Variants in CD180 observed in about 807,000 individuals in gnomAD.
The protein encoded by CD180 is CD180 antigen.
A neutral mutation model predicts 10.7 loss-of-function variants in CD180; 11 were observed. The observed-to-expected ratio is 1.03, with a 90% CI of 0.65 to 1.70. The LOEUF (loss-of-function observed/expected upper bound fraction) is 1.70, where lower values mean the gene tolerates loss of function less well. Among genes scored for constraint, CD180 ranks in the 40% most tolerant of loss-of-function variants. The pLI, the probability that CD180 is intolerant of heterozygous loss-of-function variation, is 0.00. For missense variants in CD180, 729 were observed against 775.2 expected (o/e 0.94, Z 0.71); for synonymous variants, 286 against 294.6 (o/e 0.97, Z 0.30).
At position 67,184,256 on chromosome 5, in the gene CD180, A is replaced by C. The variant is rs1742133624; in HGVS notation, c.587T>G (p.Leu196Arg). ...HYISREDMRS[L>R]EQAINLSLNF... ...CAGGCTTAGGTTGATGGCCTGCTCCAGAGACCTCATGTCTTCTCTAGAGAT... is the reference window on the plus strand; with the variant it reads ...CAGGCTTAGGTTGATGGCCTGCTCCCGAGACCTCATGTCTTCTCTAGAGAT... The change falls in exon 3 of 3, where the codon CTG becomes CGG. Residue 196 changes from leucine to arginine, a missense_variant. Physicochemically the swap from Leu to Arg is moderately radical, Grantham distance 102. Transcript: ENST00000256447. The C allele has an allele frequency of 6.2e-7, 1 of 1,614,022 alleles. No individual in the cohort carries two copies. The highest frequency in any genetic ancestry group is 8.5e-7 in the Non-Finnish European group (1 of 1,179,996).
intron 1 of CD180, among the ~76,000 whole-genome samples, chr5:67,193,341 C>T (rs1282437022): frequency 1.3e-5 from 2 of 152,148 alleles, no homozygotes; most frequent in Non-Finnish European, 2.9e-5. Context: ...CCTTGAAAAA[C>T]GGCCAAACCC....
chr5:67,191,429 T>G (rs1195936490), intron 1 of CD180, among the ~76,000 whole-genome samples: 2 of 152,186 alleles, frequency 1.3e-5, no homozygotes, highest in Non-Finnish European at 2.9e-5. Context: ...GAAGCCCTTG[T>G]GTCTATGAAC....
chr5:67,187,497 G>A (rs543344419), intron 1 of CD180, among the ~76,000 whole-genome samples: 1 of 152,310 alleles, frequency 6.6e-6, no homozygotes, highest in Non-Finnish European at 1.5e-5. Context: ...CCCCAGGGTA[G>A]TCATGTATTC....
At chr5:67,196,042 T>C (rs987240365) in intron 1 of CD180, among the ~76,000 whole-genome samples, 1 of 152,328 alleles carries the variant, frequency 6.6e-6, no homozygotes, top group African/African-American at 2.4e-5. Context: ...CAGATTTTCC[T>C]CCTATGGGTT....
Position 67,184,363 on chromosome 5 carries a change from A to G in CD180, c.480T>C (p.His160=), listed in dbSNP as rs577368687. ...CTTTGGGGAACTTAATGGAGGAAAT[A>G]TGGTTGCTTCCAAGATACAAGCTTT... The part of the protein sequence containing the change: ...NLESLYLGSN[H]ISSIKFPKDF... Residue 160 remains histidine, a synonymous_variant, in exon 3 of 3, where the codon CAT becomes CAC. Coordinates refer to ENST00000256447, the MANE Select transcript of CD180 (RefSeq NM_005582.3). 2 of 1,614,100 alleles carry G rather than the reference A, an allele frequency of 1.2e-6. No homozygotes were observed. Among genetic ancestry groups the G allele is most frequent in the Middle Eastern group, 1.6e-4 (1 of 6,062 alleles).
chr5:67,188,924 A>T (rs557438187), intron 1 of CD180, among the ~76,000 whole-genome samples: 1 of 152,216 alleles, frequency 6.6e-6, no homozygotes, highest in East Asian at 1.9e-4. Flanking sequence ...CACACTTCGC[A>T]TTTAAAACTT....
chr5:67,183,059 T>C lies in CD180; in HGVS notation c.1784A>G (p.Asn595Ser). 6.2e-7 allele frequency: 1 copy of C among 1,613,362 alleles called. No individual in the cohort carries two copies. The highest frequency in any genetic ancestry group is 8.5e-7 in the Non-Finnish European group (1 of 1,179,660). Reference sequence around the variant, plus strand: ...CTCCGAGCCTTCAAGTTTGTGCAGGTTTTCTTTGTACCATGTTAAGAAATG... The same window carrying C: ...CTCCGAGCCTTCAAGTTTGTGCAGGCTTTCTTTGTACCATGTTAAGAAATG... ...NIHFLTWYKE[N>S]LHKLEGSEET... The change falls in exon 3 of 3, where the codon AAC becomes AGC. Residue 595 changes from asparagine (N) to serine (S), a missense_variant. By Grantham distance (46) the Asn-to-Ser change is conservative. Coordinates refer to ENST00000256447, the MANE Select transcript of CD180 (RefSeq NM_005582.3).
intron 1 of CD180, among the ~76,000 whole-genome samples, chr5:67,189,985 A>G (rs1742270681): frequency 6.6e-6 from 1 of 152,162 alleles, no homozygotes; most frequent in African/African-American, 2.4e-5. Context: ...CAATTGTCCC[A>G]TTATTGTTCT....
intron 1 of CD180, among the ~76,000 whole-genome samples, chr5:67,189,415 C>T (rs1045915035): frequency 6.6e-5 from 10 of 152,156 alleles, no homozygotes; most frequent in African/African-American, 2.2e-4. Context: ...AAACTGATAA[C>T]GAGTGGATGA....
chr5:67,191,696 T>A (rs1362494530), intron 1 of CD180, among the ~76,000 whole-genome samples: 4 of 152,198 alleles, frequency 2.6e-5, no homozygotes, highest in Non-Finnish European at 5.9e-5. Context: ...ATACGGGTCC[T>A]AATATTTTTG....
chr5:67,181,444 G>C lies in CD180; in HGVS notation c.*1413C>G, dbSNP rs78871774. 0.051 allele frequency: 7,794 copies of C among 152,366 alleles called. 514 individuals carry two copies. Among genetic ancestry groups the C allele is most frequent in the African/African-American group, 0.15 (6,153 of 41,526 alleles). 9.4% of individuals were successfully genotyped at this position (152,366 alleles called of 1,614,324 possible). A position where few individuals can be genotyped will look rare whatever the true frequency, so the allele number is the denominator to read the frequency against. ...CCCACTGCTGTTCCCTGCCTGCCCTGCTTTTCCTGGGGGCGAAGAGACAAA... is the reference window on the plus strand; with the variant it reads ...CCCACTGCTGTTCCCTGCCTGCCCTCCTTTTCCTGGGGGCGAAGAGACAAA... On this transcript the variant is annotated 3_prime_UTR_variant, in exon 3 of 3. Transcript: ENST00000256447.
chr5:67,195,592 A>T (rs1298265240), intron 1 of CD180, among the ~76,000 whole-genome samples: 3 of 152,216 alleles, frequency 2.0e-5, no homozygotes, highest in Non-Finnish European at 4.4e-5. Flanking sequence ...CATTGGCATG[A>T]TGCCTCCTCT....
Position 67,184,084 on chromosome 5 carries a change from T to C in CD180, c.759A>G (p.Gly253=), listed in dbSNP as rs774491929. 14 of 1,614,168 alleles carry C rather than the reference T, an allele frequency of 8.7e-6. No homozygotes were observed. The highest frequency in any genetic ancestry group is 1.2e-5 in the Non-Finnish European group (14 of 1,180,030). ...QNSTTQSLWL[G]TFEDIDDEDI... Reference sequence around the variant, plus strand: ...CTTCGTCATCAATGTCCTCAAATGTTCCCAGCCAGAGAGACTGAGTAGTAG... The same window carrying C: ...CTTCGTCATCAATGTCCTCAAATGTCCCCAGCCAGAGAGACTGAGTAGTAG... The change falls in exon 3 of 3, where the codon GGA becomes GGG. Residue 253 remains glycine (G), a synonymous_variant. Transcript: ENST00000256447.
At position 67,184,243 on chromosome 5, in the gene CD180, G is replaced by A; in HGVS notation, c.600C>T (p.Ile200=). 1 of 1,614,086 alleles carries A rather than the reference G, an allele frequency of 6.2e-7. No individual in the cohort carries two copies. The highest frequency in any genetic ancestry group is 8.5e-7 in the Non-Finnish European group (1 of 1,179,972). The change falls in exon 3 of 3, where the codon ATC becomes ATT. Residue 200 remains isoleucine (I), a synonymous_variant. Coordinates refer to ENST00000256447, the MANE Select transcript of CD180 (RefSeq NM_005582.3). The part of the protein sequence containing the change: ...REDMRSLEQA[I]NLSLNFNGNN... ...TGCCATTGAAGTTCAGGCTTAGGTTGATGGCCTGCTCCAGAGACCTCATGT... is the reference window on the plus strand; with the variant it reads ...TGCCATTGAAGTTCAGGCTTAGGTTAATGGCCTGCTCCAGAGACCTCATGT...
Position 67,196,614 on chromosome 5 carries a change from A to G in CD180, c.28T>C (p.Trp10Arg), listed in dbSNP as rs754466896. 8.1e-6 allele frequency: 13 copies of G among 1,613,858 alleles called. No homozygotes were observed. The highest frequency in any genetic ancestry group is 1.1e-5 in the Non-Finnish European group (13 of 1,179,928). MAFDVSCFF[W>R]VVLFSAGCKV... ...CAGCCGGCAGAAAACAGCACCACCC[A>G]AAAGAAGCAGCTGACGTCAAACGCC... The change falls in exon 1 of 3, where the codon TGG (tryptophan) becomes CGG (arginine). Residue 10 changes from tryptophan to arginine, a missense_variant. Trp to Arg is a moderately radical substitution (Grantham distance 101). Coordinates refer to ENST00000256447, the MANE Select transcript of CD180 (RefSeq NM_005582.3).
intron 1 of CD180, among the ~76,000 whole-genome samples, chr5:67,190,165 G>A (rs1386537944): frequency 6.6e-6 from 1 of 152,168 alleles, no homozygotes; most frequent in African/African-American, 2.4e-5. Flanking sequence ...TTATGGGTTT[G>A]TATGTTCCTC....
intron 1 of CD180, chr5:67,190,867 T>C: frequency 5.4e-6 from 5 of 925,290 alleles, no homozygotes; most frequent in Non-Finnish European, 6.5e-6. Flanking sequence ...CTGTATTTTC[T>C]TTCCTTGCAA....
intron 1 of CD180, among the ~76,000 whole-genome samples, chr5:67,188,491 CT>C (rs1742243702): frequency 6.6e-6 from 1 of 152,200 alleles, no homozygotes; most frequent in Admixed American, 6.5e-5. Context: ...CTTCCAGCCC[CT>C]GCCTTTCCTT....
rs2151164530 is a variant in CD180, at chr5:67,182,159, A to T, written c.*698T>A. Reference sequence around the variant, plus strand: ...ACTGAGTGAGGCAAATGTGGAAGAAATTCTAAACCTTGGGGGTGGGTTCTA... The same window carrying T: ...ACTGAGTGAGGCAAATGTGGAAGAATTTCTAAACCTTGGGGGTGGGTTCTA... On this transcript the variant is annotated 3_prime_UTR_variant, in exon 3 of 3. Coordinates refer to ENST00000256447, the MANE Select transcript of CD180 (RefSeq NM_005582.3). The T allele has an allele frequency of 6.6e-6, 1 of 152,204 alleles. No homozygotes were observed. The highest frequency in any genetic ancestry group is 1.9e-4 in the East Asian group (1 of 5,182). The allele number at this position is 152,204 out of a possible 1,614,324, so 9.4% of individuals were successfully genotyped here.
Sources: gnomAD v4.1 joint callset for allele counts (sites outside exome capture counted in the v4.1 genomes callset) on GRCh38, gnomAD v4.1.1 for gene constraint, MANE v1.5 for transcripts, NCBI Gene and HGNC (gene_info 2026-07-23, HGNC 2026-07-21) for gene names.